The following REG4 variants were observed in gnomAD, a reference collection of about 807,000 sequenced individuals.
The protein encoded by REG4 is regenerating family member 4.
In REG4, 16 loss-of-function variants were observed where a neutral mutation model predicts 22.3. The observed-to-expected ratio is 0.72, with a 90% CI of 0.49 to 1.09. REG4 has a LOEUF of 1.09. Ranked by LOEUF, REG4 falls within the 50% of genes least tolerant of loss-of-function variation. The pLI is 0.00. For synonymous variants in REG4, 71 were observed against 69.2 expected (o/e 1.03, Z -0.13); for missense variants, 214 against 193.9 (o/e 1.10, Z -0.61).
At position 119,803,048 on chromosome 1, in the gene REG4, G is replaced by C; in HGVS notation, c.165+20C>G. 1 of 1,610,180 alleles carries C rather than the reference G, an allele frequency of 6.2e-7. No homozygotes were observed. The highest frequency in any genetic ancestry group is 8.5e-7 in the Non-Finnish European group (1 of 1,178,494). ...CTTTGCTCTAGAAAGGCCAGGCCAAGCAGGCAGCAAGTTTCTTACCTCGGC... is the reference window on the plus strand; with the variant it reads ...CTTTGCTCTAGAAAGGCCAGGCCAACCAGGCAGCAAGTTTCTTACCTCGGC... On this transcript the variant is annotated intron_variant, in intron 3 of 5. Transcript: ENST00000256585.
At chr1:119,807,083 T>A (rs587655534) in intron 2 of REG4, among the ~76,000 whole-genome samples, 2 of 152,342 alleles carry the variant, frequency 1.3e-5, no homozygotes, top group East Asian at 3.9e-4. Flanking sequence ...TTAGTGTCCA[T>A]AAATGATGTT....
rs117310686 is a variant in REG4 at position 119,800,424 on chromosome 1, G to A, written c.166-562C>T. Among the ~76,000 whole-genome samples the A allele has an allele frequency of 5.9e-5, 9 of 152,282 alleles. No homozygotes were observed. In the East Asian group the frequency reaches 1.5e-3, roughly 26 times the overall value. On this transcript the variant is annotated intron_variant, in intron 3 of 5. Coordinates refer to ENST00000256585, the MANE Select transcript of REG4 (RefSeq NM_032044.4). ...GAACACAATGTGCATCAGAGAACAG[G>A]CATTATGGCAGTGCTCTTTGCGGGA...
chr1:119,805,946 T>C (rs1469354534), intron 2 of REG4, among the ~76,000 whole-genome samples: 1 of 152,158 alleles, frequency 6.6e-6, no homozygotes, highest in African/African-American at 2.4e-5. Context: ...GCTATGGCTC[T>C]GCCTTGCACT....
intron 4 of REG4, among the ~76,000 whole-genome samples, chr1:119,799,183 C>A (rs1654023133): frequency 6.6e-6 from 1 of 151,962 alleles, no homozygotes; most frequent in Non-Finnish European, 1.5e-5. Context: ...GAACTGAAGA[C>A]CCCACACCTA....
At chr1:119,810,588 C>T (rs587594647) in intron 1 of REG4, among the ~76,000 whole-genome samples, 35 of 152,226 alleles carry the variant, frequency 2.3e-4, no homozygotes, top group African/African-American at 8.4e-4. Flanking sequence ...ACTTTCCTTC[C>T]AAAAGTAATA....
In REG4 at chr1:119,808,098, A is replaced by G. The variant is rs1654380543; in HGVS notation, c.67+605T>C. Among the ~76,000 whole-genome samples the G allele has an allele frequency of 2.6e-5, 4 of 152,204 alleles. No homozygotes were observed. In the South Asian group the frequency reaches 8.3e-4, roughly 31 times the overall value. On this transcript the variant is annotated intron_variant, in intron 2 of 5. Coordinates refer to ENST00000256585, the MANE Select transcript of REG4 (RefSeq NM_032044.4). ...CATTTTCCTTGTAAATAGAACAAAG[A>G]CATTACACCAGATGAGATCACATTT...
intron 2 of REG4, among the ~76,000 whole-genome samples, chr1:119,808,350 C>A (rs1654388322): frequency 6.6e-6 from 1 of 152,152 alleles, no homozygotes; most frequent in Non-Finnish European, 1.5e-5. Flanking sequence ...AATGATAAAC[C>A]AGTGCATAAG....
chr1:119,810,421 T>C (rs1654459900), intron 1 of REG4, among the ~76,000 whole-genome samples: 1 of 152,216 alleles, frequency 6.6e-6, no homozygotes, highest in Non-Finnish European at 1.5e-5. Context: ...GAGAATAATG[T>C]AAATGATGAC....
chr1:119,803,146 GCTGGGT>G lies in REG4; in HGVS notation c.81_86del (p.Arg27_Pro28del), dbSNP rs750570528. On this transcript the variant is annotated inframe_deletion, in exon 3 of 6. Coordinates refer to ENST00000256585, the MANE Select transcript of REG4 (RefSeq NM_032044.4). ...TGTGGTAAAACCATCCAGGAGCACA[GCTGGGT>G]CTCATGATGATATCTGCACATAAAC... is the stretch of plus-strand genomic sequence containing the variant. The G allele has an allele frequency of 5.9e-6, 9 of 1,523,202 alleles. No individual in the cohort carries two copies. Among genetic ancestry groups the G allele is most frequent in the Non-Finnish European group, 7.0e-6 (8 of 1,137,994 alleles). 94.4% of individuals were successfully genotyped at this position (1,523,202 alleles called of 1,614,324 possible).
At chr1:119,798,626 G>C in intron 4 of REG4, 24 bp from the exon 5 acceptor site, 1 of 1,601,434 alleles carries the variant, frequency 6.2e-7, no homozygotes, top group Non-Finnish European at 8.6e-7. Context: ...AGATGGAGAA[G>C]TGTACAGCTC....
In REG4 at chr1:119,794,271, A is replaced by G; in HGVS notation, c.*347T>C. The stretch of plus-strand genomic sequence containing the variant: ...GAAGGGGTCTAGAAGCTTACTCCTG[A>G]GTTTCTTCCTTCTGTCTTCAAATCT... On this transcript the variant is annotated 3_prime_UTR_variant, in exon 6 of 6. Transcript: ENST00000256585. 1 of 556,056 alleles carries G rather than the reference A, an allele frequency of 1.8e-6. No homozygotes were observed. Among genetic ancestry groups the G allele is most frequent in the Non-Finnish European group, 3.6e-6 (1 of 276,436 alleles). 34.4% of individuals were successfully genotyped at this position (556,056 alleles called of 1,614,324 possible). A position where few individuals can be genotyped will look rare whatever the true frequency, so the allele number is the denominator to read the frequency against.
chr1:119,794,292 A>G lies in REG4; in HGVS notation c.*326T>C, dbSNP rs1422284248. The G allele has an allele frequency of 1.7e-6, 1 of 578,934 alleles. No individual in the cohort carries two copies. The highest frequency in any genetic ancestry group is 3.4e-6 in the Non-Finnish European group (1 of 291,606). 35.9% of individuals were successfully genotyped at this position (578,934 alleles called of 1,614,324 possible). A position where few individuals can be genotyped will look rare whatever the true frequency, so the allele number is the denominator to read the frequency against. ...CCTGAGTTTCTTCCTTCTGTCTTCA[A>G]ATCTTTACTTCTTATGGCCAAAGAC... is the stretch of plus-strand genomic sequence containing the variant. On this transcript the variant is annotated 3_prime_UTR_variant, in exon 6 of 6. Transcript: ENST00000256585.
chr1:119,806,389 A>G (rs1330753566), intron 2 of REG4, among the ~76,000 whole-genome samples: 1 of 152,224 alleles, frequency 6.6e-6, no homozygotes, highest in Non-Finnish European at 1.5e-5. Flanking sequence ...ATCGTGTCCC[A>G]GGATCCTACA....
At chr1:119,796,128 G>C (rs587631341) in intron 5 of REG4, among the ~76,000 whole-genome samples, 2 of 152,254 alleles carry the variant, frequency 1.3e-5, no homozygotes, top group East Asian at 3.9e-4. Flanking sequence ...AGATGATTAG[G>C]GCGATTATTT....
At chr1:119,803,654 A>T (rs1043600867) in intron 2 of REG4, among the ~76,000 whole-genome samples, 1 of 152,250 alleles carries the variant, frequency 6.6e-6, no homozygotes, top group Non-Finnish European at 1.5e-5. Context: ...ATCTTGTATT[A>T]GCAGTGAAGG....
At chr1:119,796,588 G>A (rs587689313) in intron 5 of REG4, among the ~76,000 whole-genome samples, 1 of 152,268 alleles carries the variant, frequency 6.6e-6, no homozygotes, top group South Asian at 2.1e-4. Flanking sequence ...ACTGAGTGGG[G>A]AGCAAAATCC....
chr1:119,803,829 G>C (rs952165327), intron 2 of REG4, among the ~76,000 whole-genome samples: 28 of 152,228 alleles, frequency 1.8e-4, no homozygotes, highest in Admixed American at 1.8e-3. Flanking sequence ...TGTCAGTACT[G>C]GGGGAGGGAA....
intron 5 of REG4, among the ~76,000 whole-genome samples, chr1:119,797,845 T>G (rs1653977847): frequency 6.6e-6 from 1 of 152,182 alleles, no homozygotes; most frequent in Admixed American, 6.5e-5. Context: ...CTCAACCTCC[T>G]GCAATGTACA....
intron 2 of REG4, among the ~76,000 whole-genome samples, chr1:119,803,475 A>G (rs1280739020): frequency 6.6e-6 from 1 of 152,102 alleles, no homozygotes; most frequent in African/African-American, 2.4e-5. Flanking sequence ...TGATCAATGG[A>G]GTTTTAGCTT....
Sources: gnomAD v4.1 joint callset for allele counts (sites outside exome capture counted in the v4.1 genomes callset) on GRCh38, gnomAD v4.1.1 for gene constraint, MANE v1.5 for transcripts, NCBI Gene and HGNC (gene_info 2026-07-23, HGNC 2026-07-21) for gene names.